The following CDH12 variants were observed in gnomAD, a reference collection of about 807,000 sequenced individuals.
CDH12 encodes the protein cadherin-12.
In CDH12, 41 loss-of-function variants were observed where a neutral mutation model predicts 74.1. That is an observed-to-expected ratio of 0.55 (90% CI 0.43 to 0.72). The LOEUF is 0.72. Among genes scored for constraint, CDH12 ranks in the 30% least tolerant of loss-of-function variants. The probability of loss-of-function intolerance (pLI) is 0.00; values close to 1 mark genes in which losing one functional copy is unlikely to be tolerated. For missense variants in CDH12, 945 were observed against 977.2 expected, an observed-to-expected ratio of 0.97 and a Z score of 0.44; for synonymous variants, 399 against 355.0, an observed-to-expected ratio of 1.12 and a Z score of -1.39.
At chr5:22,566,909 A>G (rs1739313962) in intron 1 of CDH12, among the ~76,000 whole-genome samples, 1 of 152,210 alleles carries the variant, frequency 6.6e-6, no homozygotes, top group Admixed American at 6.5e-5. Context: ...TACATTCTAT[A>G]GAGATTTTGT....
At position 22,526,306 on chromosome 5, in the gene CDH12, A is replaced by C. The variant is rs548549286; in HGVS notation, c.-522-20942T>G. Among the ~76,000 whole-genome samples the C allele has an allele frequency of 1.7e-4, 26 of 152,328 alleles. 1 individual carries two copies. The South Asian group carries it at 5.2e-3, about 30-fold the overall frequency. On this transcript the variant is annotated intron_variant, in intron 1 of 14. Coordinates refer to ENST00000382254, the MANE Select transcript of CDH12 (RefSeq NM_004061.5). ...TTGTAACACAGGTCAAATTGGCATA[A>C]TGTCATCAATGGTAATAGACCAGTT... is the stretch of plus-strand genomic sequence containing the variant.
At chr5:22,081,811 G>C (rs1434158568) in intron 4 of CDH12, among the ~76,000 whole-genome samples, 1 of 152,196 alleles carries the variant, frequency 6.6e-6, no homozygotes, top group Non-Finnish European at 1.5e-5. Context: ...CTCCCTACCA[G>C]AGTAATCTTG....
At position 22,195,898 on chromosome 5, in the gene CDH12, T is replaced by G. The variant is rs559712758; in HGVS notation, c.-187+16600A>C. On this transcript the variant is annotated intron_variant, in intron 4 of 14. Coordinates refer to ENST00000382254, the MANE Select transcript of CDH12 (RefSeq NM_004061.5). ...CATCTCTCCTCCCTCTCTTTCTTTC[T>G]CTCTTTCATTTTCTCAGTTTCAACC... Among the ~76,000 whole-genome samples the G allele has an allele frequency of 2.0e-4, 31 of 152,290 alleles. No individual in the cohort carries two copies. In the South Asian group the frequency reaches 6.2e-3, roughly 31 times the overall value.
rs149956729 is a variant in CDH12 at position 22,641,381 on chromosome 5, A to C, written c.-522-136017T>G. Among the ~76,000 whole-genome samples the C allele has an allele frequency of 3.0e-3, 453 of 152,186 alleles. 4 individuals are homozygous for C. In the Middle Eastern group the frequency reaches 0.037, roughly 13 times the overall value. ...CTCAGCTCCAATAGAGAGAGAGGAA[A>C]TCACATTTTCTCTGCCTTTTTTGTC... On this transcript the variant is annotated intron_variant, in intron 1 of 14. Coordinates refer to ENST00000382254, the MANE Select transcript of CDH12 (RefSeq NM_004061.5).
intron 1 of CDH12, among the ~76,000 whole-genome samples, chr5:22,523,307 C>CCA (rs1449385642): frequency 6.6e-6 from 1 of 152,026 alleles, no homozygotes; most frequent in African/African-American, 2.4e-5. Context: ...AATTCTATAT[C>CCA]TATATATGCA....
chr5:21,922,091 G>T (rs1754379677), intron 6 of CDH12, among the ~76,000 whole-genome samples: 1 of 152,094 alleles, frequency 6.6e-6, no homozygotes, highest in Non-Finnish European at 1.5e-5. Context: ...TCCACTCCCT[G>T]AGTAACCACT....
In CDH12 at chr5:22,622,872, G is replaced by C. The variant is rs1273699258; in HGVS notation, c.-522-117508C>G. On this transcript the variant is annotated intron_variant, in intron 1 of 14. Coordinates refer to ENST00000382254, the MANE Select transcript of CDH12 (RefSeq NM_004061.5). ...GCCTGGCAGAGGCACAACAAAAAAA[G>C]AGAATTTTAGACCAATATCCCTGAT... 2.6e-5 allele frequency among the ~76,000 whole-genome samples: 4 copies of C among 152,244 alleles called. No homozygotes were observed. The East Asian group carries it at 5.8e-4, about 22-fold the overall frequency.
chr5:22,112,557 TG>T (rs1205889346), intron 4 of CDH12, among the ~76,000 whole-genome samples: 1 of 152,184 alleles, frequency 6.6e-6, no homozygotes, highest in African/African-American at 2.4e-5. Context: ...ATAAGTATTT[TG>T]TAATATAGAT....
In CDH12 at chr5:22,510,909, T is replaced by C. The variant is rs75096558; in HGVS notation, c.-522-5545A>G. 1.6e-4 allele frequency among the ~76,000 whole-genome samples: 24 copies of C among 150,526 alleles called. No homozygotes were observed. The East Asian group carries it at 4.2e-3, about 26-fold the overall frequency. On this transcript the variant is annotated intron_variant, in intron 1 of 14. Coordinates refer to ENST00000382254, the MANE Select transcript of CDH12 (RefSeq NM_004061.5). ...AACATATATAATTTTTTTTTTTTTT[T>C]CCGAGACAGAGTTTTGCTCTTGTCG...
chr5:22,818,132 A>G (rs775616901), intron 1 of CDH12, among the ~76,000 whole-genome samples: 1 of 152,146 alleles, frequency 6.6e-6, no homozygotes, highest in Non-Finnish European at 1.5e-5. Context: ...TGCAAATACC[A>G]GTTCGTCCTG....
intron 3 of CDH12, among the ~76,000 whole-genome samples, chr5:22,300,993 A>C (rs1219608747): frequency 6.6e-6 from 1 of 152,166 alleles, no homozygotes; most frequent in Non-Finnish European, 1.5e-5. Flanking sequence ...CAATAAGAGT[A>C]TTTTTGACAT....
intron 5 of CDH12, among the ~76,000 whole-genome samples, chr5:22,017,759 CA>C (rs1246492454): frequency 2.0e-5 from 3 of 151,100 alleles, no homozygotes; most frequent in African/African-American, 4.9e-5. Flanking sequence ...AGTTTCCCTC[CA>C]TTCTTTTTTT....
intron 3 of CDH12, among the ~76,000 whole-genome samples, chr5:22,315,489 C>G (rs991955583): frequency 2.6e-5 from 4 of 151,942 alleles, no homozygotes; most frequent in African/African-American, 9.7e-5. Context: ...AGTATTACCT[C>G]TGAGAGTTGG....
chr5:21,823,296 C>T (rs1748473247), intron 8 of CDH12, among the ~76,000 whole-genome samples: 1 of 152,086 alleles, frequency 6.6e-6, no homozygotes, highest in Admixed American at 6.6e-5. Context: ...TAATAGAAAA[C>T]ATTCCAAACA....
At chr5:22,617,182 ACCCTT>A (rs1030212444) in intron 1 of CDH12, among the ~76,000 whole-genome samples, 1 of 151,850 alleles carries the variant, frequency 6.6e-6, no homozygotes, top group Admixed American at 6.6e-5. Context: ...CTGGATTAAC[ACCCTT>A]AAGAAAGAGG....
chr5:22,840,080 AAT>A (rs1358700915), intron 1 of CDH12, among the ~76,000 whole-genome samples: 2 of 152,112 alleles, frequency 1.3e-5, no homozygotes, highest in Non-Finnish European at 2.9e-5. Context: ...ATTATAAGCA[AAT>A]ATATAAGATG....
chr5:21,836,798 T>C (rs1288828135), intron 8 of CDH12, among the ~76,000 whole-genome samples: 1 of 151,970 alleles, frequency 6.6e-6, no homozygotes, highest in Admixed American at 6.6e-5. Flanking sequence ...CCTCTACAGA[T>C]ATCCTTGATT....
At chr5:22,163,253 G>T (rs1380133876) in intron 4 of CDH12, among the ~76,000 whole-genome samples, 1 of 152,054 alleles carries the variant, frequency 6.6e-6, no homozygotes, top group Non-Finnish European at 1.5e-5. Context: ...TATACATTTG[G>T]TTGGACTTCT....
intron 4 of CDH12, among the ~76,000 whole-genome samples, chr5:22,129,174 T>C (rs1181575811): frequency 6.6e-6 from 1 of 152,150 alleles, no homozygotes; most frequent in Non-Finnish European, 1.5e-5. Context: ...TGTATTAAAG[T>C]GAGAAGGGTT....
Sources: allele counts gnomAD v4.1 joint callset (sites outside exome capture counted in the v4.1 genomes callset), GRCh38; gene constraint gnomAD v4.1.1; transcripts MANE v1.5; gene names NCBI Gene and HGNC (gene_info 2026-07-23, HGNC 2026-07-21).